Variants in PTPRM observed in about 807,000 individuals in gnomAD.
PTPRM encodes the protein receptor-type tyrosine-protein phosphatase mu.
A neutral mutation model predicts 186.7 loss-of-function variants in PTPRM; 47 were observed. The observed-to-expected ratio is 0.25, with a 90% CI of 0.20 to 0.32. The LOEUF is 0.32. Ranked by LOEUF, PTPRM falls within the 10% of genes least tolerant of loss-of-function variation. The pLI is 1.00. For synonymous variants in PTPRM, 668 were observed against 674.9 expected, an observed-to-expected ratio of 0.99 and a Z score of 0.16; for missense variants, 1,494 against 1,865.0, an observed-to-expected ratio of 0.80 and a Z score of 3.66.
At chr18:7,734,756 T>A (rs2040732288) in intron 1 of PTPRM, among the ~76,000 whole-genome samples, 1 of 152,192 alleles carries the variant, frequency 6.6e-6, no homozygotes, top group African/African-American at 2.4e-5. Flanking sequence ...CATGGTAGCC[T>A]CGTTGGCATA....
intron 4 of PTPRM, among the ~76,000 whole-genome samples, chr18:7,925,137 A>G (rs1599542049): frequency 6.6e-6 from 1 of 152,334 alleles, no homozygotes; most frequent in East Asian, 1.9e-4. Flanking sequence ...AACAAAGACT[A>G]AAAGAGAAAT....
At chr18:7,719,519 CA>C (rs1318619954) in intron 1 of PTPRM, among the ~76,000 whole-genome samples, 2 of 150,906 alleles carry the variant, frequency 1.3e-5, no homozygotes, top group Admixed American at 1.3e-4. Flanking sequence ...CACCTGTTCC[CA>C]AAAAACTATT....
At chr18:8,118,576 G>T (rs564871394) in intron 13 of PTPRM, among the ~76,000 whole-genome samples, 2 of 152,044 alleles carry the variant, frequency 1.3e-5, no homozygotes, top group Non-Finnish European at 2.9e-5. Context: ...GAAACAAGAG[G>T]ACCACCTGAG....
rs139873618 is a variant in PTPRM, at chr18:8,306,139, C to T, written c.2843-8642C>T. Among the ~76,000 whole-genome samples the T allele has an allele frequency of 4.1e-3, 629 of 152,224 alleles. 4 individuals are homozygous for T. The highest frequency in any genetic ancestry group is 0.014 in the African/African-American group (595 of 41,530). Reference sequence around the variant, plus strand: ...CTCGAACTCCCGACCTGAGGTGATCCGCCCACCTCGGCCTCCCAAAGTGCT... The same window carrying T: ...CTCGAACTCCCGACCTGAGGTGATCTGCCCACCTCGGCCTCCCAAAGTGCT... On this transcript the variant is annotated intron_variant, in intron 20 of 32. Transcript: ENST00000580170.
At chr18:8,253,538 T>C in intron 19 of PTPRM, 124 bp downstream of exon 19, 1 of 902,016 alleles carries the variant, frequency 1.1e-6, no homozygotes, top group Non-Finnish European at 1.5e-6. Flanking sequence ...CAGAAAGAGA[T>C]GAAGTACAGT....
chr18:8,137,072 C>T (rs1478447507), intron 13 of PTPRM, among the ~76,000 whole-genome samples: 1 of 152,146 alleles, frequency 6.6e-6, no homozygotes, highest in Non-Finnish European at 1.5e-5. Context: ...CTTGAAGGAA[C>T]AATATTTTTA....
intron 11 of PTPRM, among the ~76,000 whole-genome samples, chr18:8,097,627 G>A (rs2091075705): frequency 6.6e-6 from 1 of 152,102 alleles, no homozygotes; most frequent in Non-Finnish European, 1.5e-5. Flanking sequence ...AAAAGTACAG[G>A]GTACTCTAAG....
intron 22 of PTPRM, among the ~76,000 whole-genome samples, chr18:8,334,544 G>A (rs1468767512): frequency 2.0e-5 from 3 of 152,194 alleles, no homozygotes; most frequent in Non-Finnish European, 2.9e-5. Flanking sequence ...TTGGATTCCC[G>A]ACCCATCACC....
chr18:7,572,766 A>T (rs2036594104), intron 1 of PTPRM, among the ~76,000 whole-genome samples: 1 of 152,190 alleles, frequency 6.6e-6, no homozygotes, highest in Admixed American at 6.5e-5. Flanking sequence ...TGTGCTTACT[A>T]TCTTTATGAA....
chr18:8,140,266 G>T (rs939519519), intron 13 of PTPRM, among the ~76,000 whole-genome samples: 1 of 152,076 alleles, frequency 6.6e-6, no homozygotes, highest in Admixed American at 6.5e-5. Flanking sequence ...AGCCAGTTCA[G>T]TAGTCAAAAT....
At chr18:7,786,305 A>G (rs57100912) in intron 2 of PTPRM, among the ~76,000 whole-genome samples, 51 of 152,288 alleles carry the variant, frequency 3.3e-4, no homozygotes, top group African/African-American at 1.1e-3. Context: ...GTCTAATTGG[A>G]TATGTGGGGT....
intron 26 of PTPRM, 134 bp downstream of exon 26, chr18:8,376,731 T>TTCCC (rs3217704): frequency 0.31 from 280,240 of 914,278 alleles, 49,829 homozygotes; most frequent in East Asian, 0.5. Flanking sequence ...TCCCTGTTCC[T>TTCCC]TCCCTCCCTC....
intron 14 of PTPRM, among the ~76,000 whole-genome samples, chr18:8,188,360 G>A (rs1264750676): frequency 1.3e-5 from 2 of 152,188 alleles, no homozygotes; most frequent in Non-Finnish European, 2.9e-5. Context: ...CTGCAGTACT[G>A]AACCAACTCA....
At chr18:7,629,779 G>T (rs1379277260) in intron 1 of PTPRM, among the ~76,000 whole-genome samples, 1 of 152,148 alleles carries the variant, frequency 6.6e-6, no homozygotes, top group Admixed American at 6.5e-5. Flanking sequence ...GTGTGTGAAT[G>T]TGCAGACCCA....
At chr18:8,162,946 A>C (rs1269143348) in intron 14 of PTPRM, among the ~76,000 whole-genome samples, 1 of 152,120 alleles carries the variant, frequency 6.6e-6, no homozygotes, top group Non-Finnish European at 1.5e-5. Flanking sequence ...CCAAACAAAC[A>C]CTGGAGCCCT....
At chr18:8,086,053 A>G (rs1284875654) in intron 10 of PTPRM, among the ~76,000 whole-genome samples, 181 bp downstream of exon 10, 3 of 152,116 alleles carry the variant, frequency 2.0e-5, no homozygotes, top group Non-Finnish European at 4.4e-5. Context: ...CTCATTTGGG[A>G]GCTTAAGATC....
At chr18:8,383,838 C>T (rs1161690945) in intron 29 of PTPRM, among the ~76,000 whole-genome samples, 1 of 152,136 alleles carries the variant, frequency 6.6e-6, no homozygotes, top group Non-Finnish European at 1.5e-5. Flanking sequence ...GCCAGCAGAG[C>T]GTGGAGATCT....
intron 7 of PTPRM, among the ~76,000 whole-genome samples, chr18:7,989,928 C>A (rs1303863193): frequency 6.6e-6 from 1 of 152,106 alleles, no homozygotes; most frequent in Non-Finnish European, 1.5e-5. Flanking sequence ...TCTTTTGAGA[C>A]AGTCTTGCTC....
intron 7 of PTPRM, among the ~76,000 whole-genome samples, chr18:7,984,581 AT>A (rs2082735000): frequency 9.4e-6 from 1 of 106,730 alleles, no homozygotes; most frequent in South Asian, 2.9e-4. Context: ...CCATATATAT[AT>A]ATATATATAT....
Sources: gnomAD v4.1 joint callset for allele counts (sites outside exome capture counted in the v4.1 genomes callset) on GRCh38, gnomAD v4.1.1 for gene constraint, MANE v1.5 for transcripts, NCBI Gene and HGNC (gene_info 2026-07-23, HGNC 2026-07-21) for gene names.